GNPAT: variants seen among roughly 807,000 people sequenced by gnomAD.
GNPAT encodes glyceronephosphate O-acyltransferase, also known as dihydroxyacetone phosphate acyltransferase.
GNPAT carries 30 observed loss-of-function variants against 78.4 expected under a neutral mutation model. The ratio of observed to expected loss-of-function variants is 0.38; its 90% CI spans 0.29 to 0.52. The LOEUF is 0.52. Among genes scored for constraint, GNPAT ranks in the 20% least tolerant of loss-of-function variants. The probability of loss-of-function intolerance (pLI) is 0.84; values close to 1 mark genes in which losing one functional copy is unlikely to be tolerated. For synonymous variants in GNPAT, 271 were observed against 281.1 expected (o/e 0.96, Z 0.36); for missense variants, 714 against 812.2 (o/e 0.88, Z 1.47).
intron 11 of GNPAT, 119 bp from the exon 12 acceptor site, chr1:231,273,803 G>A (rs751338063): frequency 4.6e-5 from 36 of 787,104 alleles, no homozygotes; most frequent in Non-Finnish European, 6.6e-5. Context: ...GAGGGCATGT[G>A]GCTGCATATA....
chr1:231,241,274 C>T lies in GNPAT; in HGVS notation c.-105C>T, dbSNP rs1684590309. 12 of 1,422,406 alleles carry T rather than the reference C, an allele frequency of 8.4e-6. No homozygotes were observed. Among genetic ancestry groups the T allele is most frequent in the Non-Finnish European group, 1.2e-5 (12 of 1,005,870 alleles). The allele number at this position is 1,422,406 out of a possible 1,614,324, so 88.1% of individuals were successfully genotyped here. ...TAGCGGCTGCAGAGGGTGCCGCCGCCCTAGGCGAAGTAGGGCCGTCCTGAG... is the reference window on the plus strand; with the variant it reads ...TAGCGGCTGCAGAGGGTGCCGCCGCTCTAGGCGAAGTAGGGCCGTCCTGAG... On this transcript the variant is annotated 5_prime_UTR_variant, in exon 1 of 16. Coordinates refer to ENST00000366647, the MANE Select transcript of GNPAT (RefSeq NM_014236.4).
At chr1:231,254,805 T>G (rs1685001093) in intron 2 of GNPAT, among the ~76,000 whole-genome samples, 1 of 149,000 alleles carries the variant, frequency 6.7e-6, no homozygotes, top group African/African-American at 2.5e-5. Context: ...CAGACTGGAG[T>G]GCGGTGCACA....
chr1:231,267,741 A>G lies in GNPAT; in HGVS notation c.1117A>G (p.Met373Val), dbSNP rs1287193963. The G allele has an allele frequency of 3.1e-6, 5 of 1,613,376 alleles. No individual in the cohort carries two copies. The highest frequency in any genetic ancestry group is 2.5e-6 in the Non-Finnish European group (3 of 1,179,280). ...HAFVTEVAYK[M>V]ELLQIENMVL... is the part of the protein sequence containing the mutation. ...CTTTGTCACTGAAGTTGCCTACAAA[A>G]TGGAGCTTCTGCAAATTGAAAACAT... is the stretch of plus-strand genomic sequence containing the variant. Residue 373 changes from methionine to valine, a missense_variant, in exon 9 of 16, where the codon ATG (methionine) becomes GTG (valine). Coordinates refer to ENST00000366647, the MANE Select transcript of GNPAT (RefSeq NM_014236.4).
chr1:231,265,630 T>C (rs909786991), intron 5 of GNPAT, 82 bp from the exon 6 acceptor site: 1 of 961,078 alleles, frequency 1.0e-6, no homozygotes, highest in Non-Finnish European at 1.7e-6. Context: ...GGGAGGGAGC[T>C]TGGGAAAAGG....
chr1:231,269,401 TC>T (rs1553337538), intron 9 of GNPAT, among the ~76,000 whole-genome samples: 2 of 152,034 alleles, frequency 1.3e-5, no homozygotes, highest in Non-Finnish European at 1.5e-5. Context: ...CCTCCCCGCC[TC>T]CTCCCCACCA....
At chr1:231,246,187 G>T (rs1684742072) in intron 1 of GNPAT, among the ~76,000 whole-genome samples, 1 of 152,176 alleles carries the variant, frequency 6.6e-6, no homozygotes, top group Non-Finnish European at 1.5e-5. Flanking sequence ...GCTGGGGTCA[G>T]ATTGGAAGCT....
In GNPAT at chr1:231,246,896, G is replaced by A. The variant is rs138379821; in HGVS notation, c.79-4065G>A. Among the ~76,000 whole-genome samples the A allele has an allele frequency of 2.3e-3, 345 of 152,342 alleles. 1 individual carries two copies. Among genetic ancestry groups the A allele is most frequent in the African/African-American group, 7.8e-3 (323 of 41,592 alleles). ...TTAAAACCACTGGATTCGGCCGGGC[G>A]CGTTGGCTCACGCCTGTAATCCCAG... is the stretch of plus-strand genomic sequence containing the variant. On this transcript the variant is annotated intron_variant, in intron 1 of 15. Transcript: ENST00000366647.
chr1:231,242,327 C>A (rs781777532), intron 1 of GNPAT, among the ~76,000 whole-genome samples: 7 of 152,138 alleles, frequency 4.6e-5, no homozygotes, highest in Non-Finnish European at 1.0e-4. Flanking sequence ...TGATTACTGT[C>A]CAATTTTGGC....
At chr1:231,254,773 G>A (rs822630) in intron 2 of GNPAT, among the ~76,000 whole-genome samples, 5,034 of 146,826 alleles carry the variant, frequency 0.034, 258 homozygotes, top group African/African-American at 0.12. Context: ...TTTTTTTTGC[G>A]ACAGAGTCTC....
chr1:231,250,683 A>C (rs992681009), intron 1 of GNPAT, among the ~76,000 whole-genome samples: 2 of 152,234 alleles, frequency 1.3e-5, no homozygotes, highest in Admixed American at 6.5e-5. Context: ...TTAATGTCTC[A>C]TCTTTGCTGT....
At position 231,254,465 on chromosome 1, in the gene GNPAT, G is replaced by A. The variant is rs571019378; in HGVS notation, c.261+3322G>A. ...GAAAAATTTTTTTTTTTTTTGAGAC[G>A]GAGTCTCGCTCTGTCACCCAGGCTG... On this transcript the variant is annotated intron_variant, in intron 2 of 15. Coordinates refer to ENST00000366647, the MANE Select transcript of GNPAT (RefSeq NM_014236.4). 4.6e-5 allele frequency among the ~76,000 whole-genome samples: 7 copies of A among 151,090 alleles called. No individual in the cohort carries two copies. In the South Asian group the frequency reaches 1.2e-3, roughly 27 times the overall value.
At position 231,276,002 on chromosome 1, in the gene GNPAT, T is replaced by C. The variant is rs1052564519; in HGVS notation, c.1938-133T>C. The C allele has an allele frequency of 3.8e-5, 24 of 625,956 alleles. No homozygotes were observed. In the African/African-American group the frequency reaches 4.4e-4, roughly 12 times the overall value. 38.8% of individuals were successfully genotyped at this position (625,956 alleles called of 1,614,324 possible). On this transcript the variant is annotated intron_variant, in intron 14 of 15. Transcript: ENST00000366647. ...GAGGTGGGACAGGAGCCTGAGGCCTTTCGACTACTTAGGCCCAGCCTTGAG... is the reference window on the plus strand; with the variant it reads ...GAGGTGGGACAGGAGCCTGAGGCCTCTCGACTACTTAGGCCCAGCCTTGAG...
At chr1:231,269,929 T>G (rs1685511162) in intron 9 of GNPAT, 1 of 152,184 alleles carries the variant, frequency 6.6e-6, no homozygotes, top group Non-Finnish European at 1.5e-5. Context: ...TAAAATATTA[T>G]TCAATTGAGC....
Position 231,265,390 on chromosome 1 carries a change from A to G in GNPAT, c.666A>G (p.Val222=). The G allele has an allele frequency of 6.2e-7, 1 of 1,609,460 alleles. No homozygotes were observed. Among genetic ancestry groups the G allele is most frequent in the South Asian group, 1.1e-5 (1 of 90,998 alleles). The change falls in exon 5 of 16, where the codon GTA becomes GTG. Residue 222 remains valine, a synonymous_variant. Coordinates refer to ENST00000366647, the MANE Select transcript of GNPAT (RefSeq NM_014236.4). ...TFGGNKLYWA[V]FSEYVKTMLR... ...GTGGCAATAAACTCTACTGGGCTGT[A>G]TTCTCTGAATATGTAAAAACTATGT...
intron 2 of GNPAT, among the ~76,000 whole-genome samples, chr1:231,258,802 T>A (rs1685139148): frequency 6.6e-6 from 1 of 151,272 alleles, no homozygotes. Context: ...AGCTAATTTT[T>A]TTTTTTTCTA....
At chr1:231,276,292 C>G in intron 15 of GNPAT, 96 bp downstream of exon 15, 1 of 714,102 alleles carries the variant, frequency 1.4e-6, no homozygotes, top group Non-Finnish European at 2.6e-6. Flanking sequence ...TCAAAATGAT[C>G]AGTAAGTAGT....
At chr1:231,245,283 C>A (rs1403965958) in intron 1 of GNPAT, among the ~76,000 whole-genome samples, 1 of 152,166 alleles carries the variant, frequency 6.6e-6, no homozygotes, top group Non-Finnish European at 1.5e-5. Flanking sequence ...CTTGCTCTGT[C>A]ACCTAGAGTG....
intron 1 of GNPAT, among the ~76,000 whole-genome samples, chr1:231,244,285 G>A (rs1684692445): frequency 1.3e-5 from 2 of 152,138 alleles, no homozygotes; most frequent in African/African-American, 4.8e-5. Flanking sequence ...AGGTTGGGTA[G>A]GGAATCTGAT....
At chr1:231,272,795 C>T (rs1685604597) in intron 11 of GNPAT, among the ~76,000 whole-genome samples, 3 of 152,100 alleles carry the variant, frequency 2.0e-5, no homozygotes, top group Admixed American at 2.0e-4. Context: ...ATGGTGAAAC[C>T]CCGTCTGTAC....
Sources: gnomAD v4.1 joint callset for allele counts (sites outside exome capture counted in the v4.1 genomes callset) on GRCh38, gnomAD v4.1.1 for gene constraint, MANE v1.5 for transcripts, NCBI Gene and HGNC (gene_info 2026-07-23, HGNC 2026-07-21) for gene names.